Variants in ARSB observed in about 807,000 individuals in gnomAD.
ARSB encodes arylsulfatase B, also known as N-acetylgalactosamine-4-sulfatase.
A neutral mutation model predicts 50.9 loss-of-function variants in ARSB; 41 were observed. The observed-to-expected ratio is 0.81, with a 90% CI of 0.63 to 1.04. ARSB has a LOEUF of 1.04. Among genes scored for constraint, ARSB ranks in the 50% least tolerant of loss-of-function variants. ARSB has a pLI of 0.00. For synonymous variants in ARSB, 269 were observed against 284.8 expected (o/e 0.94, Z 0.56); for missense variants, 672 against 693.3 (o/e 0.97, Z 0.35).
intron 5 of ARSB, among the ~76,000 whole-genome samples, chr5:78,858,750 C>G (rs546361668): frequency 3.0e-4 from 45 of 152,290 alleles, no homozygotes; most frequent in African/African-American, 9.9e-4. Flanking sequence ...AACACATCCA[C>G]AGGGTAATGT....
At chr5:78,847,360 C>A (rs1745491714) in intron 5 of ARSB, among the ~76,000 whole-genome samples, 1 of 152,142 alleles carries the variant, frequency 6.6e-6, no homozygotes, top group African/African-American at 2.4e-5. Context: ...CTCCTAGGTT[C>A]AAGTGATCCT....
chr5:78,916,133 T>C (rs890141032), intron 4 of ARSB, among the ~76,000 whole-genome samples: 4 of 152,246 alleles, frequency 2.6e-5, no homozygotes, highest in Admixed American at 1.3e-4. Flanking sequence ...ATATCCAAGA[T>C]ACTTACATCT....
At chr5:78,823,908 ATC>A (rs1454487114) in intron 6 of ARSB, among the ~76,000 whole-genome samples, 2 of 152,232 alleles carry the variant, frequency 1.3e-5, no homozygotes, top group Non-Finnish European at 2.9e-5. Context: ...TAATTTGGAT[ATC>A]TGTTTCCTCC....
At chr5:78,883,085 A>G (rs889773180) in intron 5 of ARSB, 20 of 152,166 alleles carry the variant, frequency 1.3e-4, no homozygotes, top group African/African-American at 4.6e-4. Flanking sequence ...CGCCCAGCCA[A>G]TTATTTTTAT....
chr5:78,933,741 C>T (rs958851921), intron 4 of ARSB, among the ~76,000 whole-genome samples: 1 of 152,158 alleles, frequency 6.6e-6, no homozygotes, highest in African/African-American at 2.4e-5. Flanking sequence ...CCAAAGATGT[C>T]CTAACCTCAG....
At chr5:78,854,075 G>A (rs2112066682) in intron 5 of ARSB, among the ~76,000 whole-genome samples, 1 of 152,322 alleles carries the variant, frequency 6.6e-6, no homozygotes, top group East Asian at 1.9e-4. Context: ...ACTGTCCTGT[G>A]CCCACTGTCT....
At chr5:78,807,876 G>A (rs549162817) in intron 6 of ARSB, among the ~76,000 whole-genome samples, 125 of 151,862 alleles carry the variant, frequency 8.2e-4, no homozygotes, top group Middle Eastern at 3.4e-3. Context: ...GGCGGATCAC[G>A]AGGTCAGGAG....
At chr5:78,855,751 T>C (rs1050239842) in intron 5 of ARSB, among the ~76,000 whole-genome samples, 1 of 152,160 alleles carries the variant, frequency 6.6e-6, no homozygotes, top group Admixed American at 6.5e-5. Context: ...CTCAGGTCTG[T>C]AGGTATCCAC....
chr5:78,860,013 G>C (rs1746349864), intron 5 of ARSB, among the ~76,000 whole-genome samples: 1 of 152,170 alleles, frequency 6.6e-6, no homozygotes, highest in Non-Finnish European at 1.5e-5. Flanking sequence ...TAAACATTTA[G>C]TTTGAACTTA....
intron 4 of ARSB, among the ~76,000 whole-genome samples, chr5:78,906,103 G>A (rs1325588061): frequency 6.6e-6 from 1 of 151,662 alleles, no homozygotes; most frequent in Admixed American, 6.6e-5. Context: ...AAAACAGTCT[G>A]GACACTGTGG....
intron 4 of ARSB, among the ~76,000 whole-genome samples, chr5:78,938,130 C>A (rs1217049437): frequency 2.0e-5 from 3 of 152,212 alleles, no homozygotes; most frequent in African/African-American, 2.4e-5. Flanking sequence ...AAGGGCAACA[C>A]ATCCCTGAGA....
At chr5:78,872,641 G>A (rs1489647692) in intron 5 of ARSB, among the ~76,000 whole-genome samples, 2 of 139,732 alleles carry the variant, frequency 1.4e-5, no homozygotes, top group Non-Finnish European at 3.1e-5. Context: ...ACAGGAAGGG[G>A]AATATCACAC....
At chr5:78,939,319 T>G (rs1342030615) in intron 4 of ARSB, among the ~76,000 whole-genome samples, 2 of 151,932 alleles carry the variant, frequency 1.3e-5, no homozygotes, top group East Asian at 3.9e-4. Context: ...CTAGGGTACA[T>G]GTGCATAACG....
chr5:78,813,379 ACAGTTTTTCTACTTATG>A (rs1743884468), intron 6 of ARSB, among the ~76,000 whole-genome samples: 1 of 152,196 alleles, frequency 6.6e-6, no homozygotes, highest in African/African-American at 2.4e-5. Flanking sequence ...ATTTTCATGA[ACAGTTTTTCTACTTATG>A]CAGTTATACA....
intron 6 of ARSB, among the ~76,000 whole-genome samples, chr5:78,814,475 C>A (rs58923070): frequency 9.9e-5 from 15 of 150,766 alleles, no homozygotes; most frequent in Admixed American, 9.2e-4. Context: ...AAAGCTACTG[C>A]GCCTTTATTT....
At chr5:78,941,452 T>A (rs1399401646) in intron 4 of ARSB, among the ~76,000 whole-genome samples, 2 of 152,354 alleles carry the variant, frequency 1.3e-5, no homozygotes, top group East Asian at 3.9e-4. Flanking sequence ...TTGAGATACG[T>A]CCCATCAATA....
At chr5:78,810,729 G>A (rs1431251285) in intron 6 of ARSB, among the ~76,000 whole-genome samples, 1 of 152,216 alleles carries the variant, frequency 6.6e-6, no homozygotes, top group Non-Finnish European at 1.5e-5. Context: ...AGGACTATGT[G>A]AGTTAAACAT....
rs189763072 is a variant in ARSB at position 78,877,007 on chromosome 5, G to A, written c.1142+8577C>T. Among the ~76,000 whole-genome samples the A allele has an allele frequency of 3.9e-5, 6 of 152,224 alleles. No individual in the cohort carries two copies. The East Asian group carries it at 5.8e-4, about 15-fold the overall frequency. On this transcript the variant is annotated intron_variant, in intron 5 of 7. Coordinates refer to ENST00000264914, the MANE Select transcript of ARSB (RefSeq NM_000046.5). Reference sequence around the variant, plus strand: ...AACTATCCCCCGACCAACCCTGGTCGGTGGAAAAATTGTCTCTCACAAAAC... The same window carrying A: ...AACTATCCCCCGACCAACCCTGGTCAGTGGAAAAATTGTCTCTCACAAAAC...
intron 4 of ARSB, among the ~76,000 whole-genome samples, chr5:78,919,946 A>AG (rs1749722073): frequency 6.6e-6 from 1 of 152,240 alleles, no homozygotes; most frequent in Non-Finnish European, 1.5e-5. Flanking sequence ...ATCTGAATTC[A>AG]GAGCACTGGC....
Sources: gnomAD v4.1 joint callset for allele counts (sites outside exome capture counted in the v4.1 genomes callset) on GRCh38, gnomAD v4.1.1 for gene constraint, MANE v1.5 for transcripts, NCBI Gene and HGNC (gene_info 2026-07-23, HGNC 2026-07-21) for gene names.